Variants in SNTG1 observed in about 807,000 individuals in gnomAD.
SNTG1 encodes syntrophin gamma 1.
SNTG1 carries 39 observed loss-of-function variants against 74.7 expected under a neutral mutation model. That is an observed-to-expected ratio of 0.52 (90% confidence interval 0.40 to 0.68). SNTG1 has a LOEUF of 0.68. Ranked by LOEUF, SNTG1 falls within the 30% of genes least tolerant of loss-of-function variation. The probability of loss-of-function intolerance (pLI) is 0.00; values close to 1 mark genes in which losing one functional copy is unlikely to be tolerated. For synonymous variants in SNTG1, 254 were observed against 217.1 expected, an observed-to-expected ratio of 1.17 and a Z score of -1.49; for missense variants, 685 against 609.5, an observed-to-expected ratio of 1.12 and a Z score of -1.30.
intron 13 of SNTG1, among the ~76,000 whole-genome samples, chr8:50,654,185 T>A (rs2095166450): frequency 6.6e-6 from 1 of 152,164 alleles, no homozygotes; most frequent in Admixed American, 6.5e-5. Context: ...TTCCCTTTCT[T>A]AGCTGTGCTT....
At chr8:49,932,973 A>T (rs1563363874) in intron 1 of SNTG1, among the ~76,000 whole-genome samples, 1 of 111,490 alleles carries the variant, frequency 9.0e-6, no homozygotes, top group Admixed American at 1.0e-4. Context: ...ATAGATGTAT[A>T]ATATTCCATT....
At chr8:50,660,650 AAATTATTTTCT>A (rs2095218039) in intron 15 of SNTG1, among the ~76,000 whole-genome samples, 1 of 152,178 alleles carries the variant, frequency 6.6e-6, no homozygotes, top group Non-Finnish European at 1.5e-5. Context: ...ACTTAGACTT[AAATTATTTTCT>A]AACCACTCTC....
intron 1 of SNTG1, among the ~76,000 whole-genome samples, chr8:49,953,286 A>G (rs1809884555): frequency 6.6e-6 from 1 of 152,214 alleles, no homozygotes; most frequent in African/African-American, 2.4e-5. Context: ...AGAGTAGACC[A>G]ACTCACAGAA....
chr8:50,704,297 C>T (rs1008711923), intron 15 of SNTG1, among the ~76,000 whole-genome samples: 1 of 152,016 alleles, frequency 6.6e-6, no homozygotes, highest in Non-Finnish European at 1.5e-5. Flanking sequence ...GTGTGTCACC[C>T]CTTTGTAGAG....
At chr8:50,148,350 C>G (rs1586478909) in intron 1 of SNTG1, among the ~76,000 whole-genome samples, 1 of 152,102 alleles carries the variant, frequency 6.6e-6, no homozygotes. Flanking sequence ...GACTTAGAGA[C>G]TCACTTTCAA....
At chr8:50,010,237 C>A (rs553806575) in intron 1 of SNTG1, among the ~76,000 whole-genome samples, 2 of 152,196 alleles carry the variant, frequency 1.3e-5, no homozygotes, top group South Asian at 4.1e-4. Context: ...TTATACCAGG[C>A]AGTATTCAAG....
At chr8:50,354,112 C>T (rs2091748231) in intron 2 of SNTG1, among the ~76,000 whole-genome samples, 1 of 152,154 alleles carries the variant, frequency 6.6e-6, no homozygotes, top group Non-Finnish European at 1.5e-5. Context: ...TGTCCATATC[C>T]AGAAAGCTCA....
intron 1 of SNTG1, among the ~76,000 whole-genome samples, chr8:49,938,191 T>C (rs1379620761): frequency 6.6e-6 from 1 of 152,164 alleles, no homozygotes; most frequent in East Asian, 1.9e-4. Context: ...TGTAATTCCT[T>C]GGTGTAATTT....
chr8:50,205,647 C>A (rs1348642050), intron 2 of SNTG1, among the ~76,000 whole-genome samples: 3 of 152,158 alleles, frequency 2.0e-5, no homozygotes, highest in Non-Finnish European at 4.4e-5. Flanking sequence ...TTGCCCATGC[C>A]TATGTCCTGA....
intron 2 of SNTG1, among the ~76,000 whole-genome samples, chr8:50,341,120 T>G (rs1478944946): frequency 2.0e-5 from 3 of 151,962 alleles, no homozygotes; most frequent in Non-Finnish European, 4.4e-5. Flanking sequence ...TTTGGCCAAC[T>G]GTAGGCAATG....
intron 1 of SNTG1, among the ~76,000 whole-genome samples, chr8:50,137,253 A>C (rs779954122): frequency 6.6e-6 from 1 of 152,170 alleles, no homozygotes; most frequent in South Asian, 2.1e-4. Flanking sequence ...TATAGTGAGA[A>C]ATTTAAAAGG....
At chr8:50,744,328 T>C (rs1043916282) in intron 17 of SNTG1, among the ~76,000 whole-genome samples, 1 of 152,036 alleles carries the variant, frequency 6.6e-6, no homozygotes, top group Admixed American at 6.6e-5. Flanking sequence ...AAGACAATTT[T>C]ATTTACAATA....
At position 50,726,040 on chromosome 8, in the gene SNTG1, T is replaced by C. The variant is rs150277555; in HGVS notation, c.1284+17062T>C. 9.1e-4 allele frequency among the ~76,000 whole-genome samples: 138 copies of C among 152,282 alleles called. 2 individuals are homozygous for C. The highest frequency in any genetic ancestry group is 6.8e-3 in the Middle Eastern group (2 of 294). Reference sequence around the variant, plus strand: ...CAATAATACACATCTTCACATTTTATCCTTCTTCAGTGCCTAGTTGTGTAC... The same window carrying C: ...CAATAATACACATCTTCACATTTTACCCTTCTTCAGTGCCTAGTTGTGTAC... On this transcript the variant is annotated intron_variant, in intron 17 of 18. Transcript: ENST00000642720.
intron 1 of SNTG1, among the ~76,000 whole-genome samples, chr8:50,000,505 C>A (rs1814644771): frequency 6.6e-6 from 1 of 151,994 alleles, no homozygotes; most frequent in Non-Finnish European, 1.5e-5. Flanking sequence ...ATTCTTTGTA[C>A]AATGTAAAGG....
At chr8:50,582,687 T>A (rs1016880010) in intron 12 of SNTG1, among the ~76,000 whole-genome samples, 4 of 152,152 alleles carry the variant, frequency 2.6e-5, no homozygotes, top group Non-Finnish European at 4.4e-5. Flanking sequence ...ATATTTTTTT[T>A]ATTGAATAAG....
At chr8:50,345,146 C>T (rs1369368064) in intron 2 of SNTG1, among the ~76,000 whole-genome samples, 8 of 152,078 alleles carry the variant, frequency 5.3e-5, no homozygotes, top group Non-Finnish European at 8.8e-5. Context: ...TAATGACAGC[C>T]CAGAAAAAGA....
At chr8:50,621,051 A>G (rs1479099958) in intron 13 of SNTG1, among the ~76,000 whole-genome samples, 1 of 114,338 alleles carries the variant, frequency 8.7e-6, no homozygotes, top group African/African-American at 4.1e-5. Flanking sequence ...GGCTGTAACC[A>G]TAAAGAGATA....
At chr8:50,421,538 T>G (rs867456976) in intron 4 of SNTG1, among the ~76,000 whole-genome samples, 8 of 152,304 alleles carry the variant, frequency 5.3e-5, no homozygotes, top group Middle Eastern at 3.4e-3. Context: ...AAGACCTTTA[T>G]GACCTGTATC....
intron 1 of SNTG1, among the ~76,000 whole-genome samples, chr8:50,150,060 T>TG (rs2082010381): frequency 6.6e-6 from 1 of 150,804 alleles, no homozygotes; most frequent in Non-Finnish European, 1.5e-5. Flanking sequence ...TGTATCCTCT[T>TG]TTTTTCATTA....
Sources: allele counts gnomAD v4.1 joint callset (sites outside exome capture counted in the v4.1 genomes callset), GRCh38; gene constraint gnomAD v4.1.1; transcripts MANE v1.5; gene names NCBI Gene and HGNC (gene_info 2026-07-23, HGNC 2026-07-21).